CYTH3: variants seen among roughly 807,000 people sequenced by gnomAD.
CYTH3 encodes the protein cytohesin 3, also known as cytohesin-3.
Under a neutral mutation model 55.1 loss-of-function variants are expected in CYTH3, and 23 were observed. The ratio of observed to expected loss-of-function variants is 0.42; its 90% confidence interval spans 0.30 to 0.59. The LOEUF (loss-of-function observed/expected upper bound fraction) is 0.59. CYTH3 is among the 20% of genes least tolerant of loss of function. The pLI is 0.20. For missense variants in CYTH3, 413 were observed against 524.8 expected (o/e 0.79, Z 2.08); for synonymous variants, 249 against 194.9 (o/e 1.28, Z -2.31).
intron 5 of CYTH3, among the ~76,000 whole-genome samples, chr7:6,176,158 C>G (rs1038779515): frequency 1.3e-5 from 2 of 151,130 alleles, no homozygotes; most frequent in Non-Finnish European, 1.5e-5. Flanking sequence ...TAAATTTATC[C>G]TAAGTATCTT....
chr7:6,195,685 G>A (rs1283529304), intron 1 of CYTH3, among the ~76,000 whole-genome samples: 1 of 152,050 alleles, frequency 6.6e-6, no homozygotes, highest in Admixed American at 6.6e-5. Context: ...AATGAGGAAG[G>A]AACTACAATT....
chr7:6,209,689 T>C (rs993708711), intron 1 of CYTH3, among the ~76,000 whole-genome samples: 1 of 152,180 alleles, frequency 6.6e-6, no homozygotes, highest in East Asian at 1.9e-4. Context: ...TTATTTATAA[T>C]TGCCAAAAAC....
chr7:6,172,691 C>A, intron 6 of CYTH3: 1 of 1,076,976 alleles, frequency 9.3e-7, no homozygotes, highest in Non-Finnish European at 1.1e-6. Flanking sequence ...AATGGAGTCA[C>A]AGCTGCAAGG....
chr7:6,202,129 T>C (rs1477012951), intron 1 of CYTH3, among the ~76,000 whole-genome samples: 2 of 152,214 alleles, frequency 1.3e-5, no homozygotes, highest in Non-Finnish European at 2.9e-5. Flanking sequence ...ATGGCAGATT[T>C]GACAGTGGGC....
At chr7:6,263,473 A>C (rs961868702) in intron 1 of CYTH3, among the ~76,000 whole-genome samples, 5 of 152,226 alleles carry the variant, frequency 3.3e-5, no homozygotes, top group Non-Finnish European at 5.9e-5. Flanking sequence ...TACCGTTTGT[A>C]ACACCACCAG....
chr7:6,256,356 G>T (rs539678450), intron 1 of CYTH3, among the ~76,000 whole-genome samples: 19 of 152,322 alleles, frequency 1.2e-4, no homozygotes, highest in African/African-American at 4.6e-4. Context: ...AAACCTCAAG[G>T]GGGCTGAAAG....
chr7:6,228,192 C>T (rs1386311283), intron 1 of CYTH3, among the ~76,000 whole-genome samples: 10 of 152,146 alleles, frequency 6.6e-5, no homozygotes, highest in African/African-American at 2.4e-4. Flanking sequence ...TTCTGCTCAC[C>T]TTTTTTCCAG....
chr7:6,249,910 A>G (rs1299521196), intron 1 of CYTH3, among the ~76,000 whole-genome samples: 4 of 152,178 alleles, frequency 2.6e-5, no homozygotes, highest in Admixed American at 2.6e-4. Flanking sequence ...TCAAGCATAC[A>G]ATACGTTATC....
chr7:6,202,787 T>A (rs564171419), intron 1 of CYTH3, among the ~76,000 whole-genome samples: 1 of 152,250 alleles, frequency 6.6e-6, no homozygotes, highest in African/African-American at 2.4e-5. Flanking sequence ...ACCAATTCCT[T>A]TGAAGAAGTT....
At chr7:6,182,023 G>A (rs1031428360) in intron 4 of CYTH3, among the ~76,000 whole-genome samples, 5 of 151,698 alleles carry the variant, frequency 3.3e-5, no homozygotes, top group African/African-American at 1.2e-4. Flanking sequence ...TCCTCCTATT[G>A]TTTTTTTGCT....
chr7:6,243,826 G>C (rs569794945), intron 1 of CYTH3, among the ~76,000 whole-genome samples: 3 of 152,286 alleles, frequency 2.0e-5, no homozygotes, highest in African/African-American at 7.2e-5. Flanking sequence ...GAAGAAATGA[G>C]GTTTGAATCG....
At chr7:6,216,260 G>A (rs1005869405) in intron 1 of CYTH3, among the ~76,000 whole-genome samples, 1 of 152,116 alleles carries the variant, frequency 6.6e-6, no homozygotes, top group Non-Finnish European at 1.5e-5. Context: ...TTACAAATTG[G>A]AGACAGTGAG....
At chr7:6,229,521 A>G (rs1488412472) in intron 1 of CYTH3, among the ~76,000 whole-genome samples, 2 of 151,920 alleles carry the variant, frequency 1.3e-5, no homozygotes, top group African/African-American at 2.4e-5. Context: ...CATAGAACAT[A>G]TCTCAGGGCT....
intron 5 of CYTH3, among the ~76,000 whole-genome samples, chr7:6,176,482 C>T (rs529933280): frequency 1.3e-5 from 2 of 152,052 alleles, no homozygotes; most frequent in Admixed American, 6.5e-5. Flanking sequence ...AGGATGGTCT[C>T]GATCTCCTGA....
intron 1 of CYTH3, among the ~76,000 whole-genome samples, chr7:6,217,485 C>T (rs117694244): frequency 0.027 from 4,052 of 152,236 alleles, 72 homozygotes; most frequent in Middle Eastern, 0.065. Flanking sequence ...GAGACAGATA[C>T]TATATAATGA....
Position 6,226,602 on chromosome 7 carries a change from T to C in CYTH3, c.35-36071A>G, listed in dbSNP as rs140358189. ...ATGGCTAATGCCCTGATTAACTTTT[T>C]AGTTAAGTTACTTCCCAACATTTCA... is the stretch of plus-strand genomic sequence containing the variant. On this transcript the variant is annotated intron_variant, in intron 1 of 12. Transcript: ENST00000350796. 9.8e-4 allele frequency among the ~76,000 whole-genome samples: 149 copies of C among 152,304 alleles called. 1 individual carries two copies. Among genetic ancestry groups the C allele is most frequent in the African/African-American group, 3.5e-3 (146 of 41,548 alleles).
rs1463091758 is a variant in CYTH3 at position 6,259,770 on chromosome 7, TATTATATATATATAA to T, written c.34+12689_34+12703del. Reference sequence around the variant, plus strand: ...TATATATATATATTATATATATATATATTATATATATATAATATATATATATATATATATATATAT... The same window carrying T: ...TATATATATATATTATATATATATATTATATATATATATATATATATATAT... On this transcript the variant is annotated intron_variant, in intron 1 of 12. Coordinates refer to ENST00000350796, the MANE Select transcript of CYTH3 (RefSeq NM_004227.4). Among the ~76,000 whole-genome samples the T allele has an allele frequency of 1.8e-4, 4 of 22,688 alleles. 1 individual carries two copies. The African/African-American group carries it at 1.9e-3, about 11-fold the overall frequency. The allele number at this position is 22,688 out of a possible 152,430, so 14.9% of individuals were successfully genotyped here.
intron 1 of CYTH3, among the ~76,000 whole-genome samples, chr7:6,216,307 G>C (rs1392628707): frequency 6.6e-6 from 1 of 152,010 alleles, no homozygotes; most frequent in Non-Finnish European, 1.5e-5. Context: ...CATTTCATTT[G>C]AACTGGTAAA....
intron 1 of CYTH3, among the ~76,000 whole-genome samples, chr7:6,256,558 C>T (rs528560312): frequency 1.1e-4 from 16 of 152,300 alleles, no homozygotes; most frequent in African/African-American, 3.6e-4. Flanking sequence ...GACAGGAAGA[C>T]ATGCAAAGAG....
Sources: allele counts gnomAD v4.1 joint callset (sites outside exome capture counted in the v4.1 genomes callset), GRCh38; gene constraint gnomAD v4.1.1; transcripts MANE v1.5; gene names NCBI Gene and HGNC (gene_info 2026-07-23, HGNC 2026-07-21).